The following PRKD1 variants were observed in gnomAD, a reference collection of about 807,000 sequenced individuals.
PRKD1 encodes serine/threonine-protein kinase D1.
A neutral mutation model predicts 95.9 loss-of-function variants in PRKD1; 63 were observed. The observed-to-expected ratio is 0.66, with a 90% CI of 0.54 to 0.81. PRKD1 has a LOEUF of 0.81. Among genes scored for constraint, PRKD1 ranks in the 30% least tolerant of loss-of-function variants. The pLI, the probability that PRKD1 is intolerant of heterozygous loss-of-function variation, is 0.00. For synonymous variants in PRKD1, 425 were observed against 423.1 expected (o/e 1.00, Z -0.05); for missense variants, 1,048 against 1,165.3 (o/e 0.90, Z 1.47).
At chr14:29,851,162 C>G (rs990188577) in intron 1 of PRKD1, among the ~76,000 whole-genome samples, 1 of 152,028 alleles carries the variant, frequency 6.6e-6, no homozygotes, top group Non-Finnish European at 1.5e-5. Flanking sequence ...TGACATTGGC[C>G]TGGGCAAAGA....
At chr14:29,757,001 T>C (rs752718464) in intron 1 of PRKD1, among the ~76,000 whole-genome samples, 2 of 152,222 alleles carry the variant, frequency 1.3e-5, no homozygotes, top group Non-Finnish European at 2.9e-5. Context: ...ATTTATTTGT[T>C]GGTGTAATTA....
intron 4 of PRKD1, among the ~76,000 whole-genome samples, chr14:29,649,025 C>A (rs1881323275): frequency 6.6e-6 from 1 of 152,084 alleles, no homozygotes; most frequent in Admixed American, 6.6e-5. Flanking sequence ...TTATTTTTGC[C>A]ATTTTTAAAA....
chr14:29,766,679 G>A (rs954375676), intron 1 of PRKD1, among the ~76,000 whole-genome samples: 3 of 152,082 alleles, frequency 2.0e-5, no homozygotes, highest in African/African-American at 7.2e-5. Flanking sequence ...GGAAAAATGT[G>A]GCTACCAAAT....
At chr14:29,611,338 T>G (rs150946086) in intron 13 of PRKD1, among the ~76,000 whole-genome samples, 1 of 152,276 alleles carries the variant, frequency 6.6e-6, no homozygotes, top group East Asian at 1.9e-4. Flanking sequence ...AAATATCTCT[T>G]TAAATAAAAC....
intron 1 of PRKD1, among the ~76,000 whole-genome samples, chr14:29,900,149 T>C (rs1220934133): frequency 6.6e-6 from 1 of 152,232 alleles, no homozygotes; most frequent in African/African-American, 2.4e-5. Flanking sequence ...GAAAATGGAC[T>C]AATATGTAAG....
At chr14:29,795,296 T>C (rs1889764783) in intron 1 of PRKD1, among the ~76,000 whole-genome samples, 1 of 151,930 alleles carries the variant, frequency 6.6e-6, no homozygotes, top group Non-Finnish European at 1.5e-5. Flanking sequence ...TATTTATTTA[T>C]ATACACCTAT....
At position 29,768,934 on chromosome 14, in the gene PRKD1, G is replaced by A. The variant is rs983530237; in HGVS notation, c.265-43260C>T. Among the ~76,000 whole-genome samples, 11 of 152,154 alleles carry A rather than the reference G, an allele frequency of 7.2e-5. No individual in the cohort carries two copies. In the East Asian group the frequency reaches 1.4e-3, roughly 19 times the overall value. On this transcript the variant is annotated intron_variant, in intron 1 of 17. Coordinates refer to ENST00000331968, the MANE Select transcript of PRKD1 (RefSeq NM_002742.3). ...GCATGATGTGCGTTATCCAGCATCC[G>A]GGAGCCCAAGTCAGGTCACTTGTGA...
chr14:29,636,615 GTTTATTT>G (rs1163192649), intron 6 of PRKD1, 121 bp from the exon 7 acceptor site: 4 of 950,608 alleles, frequency 4.2e-6, no homozygotes, highest in East Asian at 2.6e-5. Flanking sequence ...TCTGTGATGA[GTTTATTT>G]TTTATTTTTT....
At chr14:29,658,024 T>C (rs1440767844) in intron 4 of PRKD1, 1 of 152,202 alleles carries the variant, frequency 6.6e-6, no homozygotes, top group African/African-American at 2.4e-5. Context: ...TGTTTGCAGG[T>C]ACTCTTAGGG....
chr14:29,811,274 G>T (rs1309629173), intron 1 of PRKD1, among the ~76,000 whole-genome samples: 1 of 152,076 alleles, frequency 6.6e-6, no homozygotes, highest in Admixed American at 6.5e-5. Context: ...ACCTTCCAGG[G>T]TTCTACCCCC....
intron 1 of PRKD1, among the ~76,000 whole-genome samples, chr14:29,848,738 C>G (rs1892181799): frequency 6.6e-6 from 1 of 151,400 alleles, no homozygotes; most frequent in Non-Finnish European, 1.5e-5. Flanking sequence ...TTAACAGAAA[C>G]TGTCTGCAAA....
intron 1 of PRKD1, among the ~76,000 whole-genome samples, chr14:29,835,841 T>C (rs1433773384): frequency 6.6e-6 from 1 of 152,180 alleles, no homozygotes; most frequent in African/African-American, 2.4e-5. Context: ...AGTGCTGGGA[T>C]TACAGGCGTG....
intron 2 of PRKD1, among the ~76,000 whole-genome samples, chr14:29,699,746 T>A (rs1483133269): frequency 6.6e-6 from 1 of 152,302 alleles, no homozygotes; most frequent in East Asian, 1.9e-4. Context: ...TAAATAGATA[T>A]CCAATTGTTC....
chr14:29,697,302 T>A lies in PRKD1; in HGVS notation c.403+28234A>T, dbSNP rs370452903. On this transcript the variant is annotated intron_variant, in intron 2 of 17. Transcript: ENST00000331968. ...ATATACAGTTTTATCTTTTGAAAAC[T>A]ATTCTTCTTATACCATGTTCCAAGG... Among the ~76,000 whole-genome samples the A allele has an allele frequency of 3.3e-5, 5 of 152,324 alleles. 1 individual carries two copies. The highest frequency in any genetic ancestry group is 1.2e-4 in the African/African-American group (5 of 41,574).
intron 1 of PRKD1, among the ~76,000 whole-genome samples, chr14:29,825,709 T>C (rs1287268725): frequency 6.6e-6 from 1 of 152,122 alleles, no homozygotes; most frequent in African/African-American, 2.4e-5. Context: ...ACTTTCCAAA[T>C]AGGCTCACCA....
intron 12 of PRKD1, among the ~76,000 whole-genome samples, chr14:29,624,923 C>A (rs1215840786): frequency 6.6e-6 from 1 of 152,068 alleles, no homozygotes; most frequent in Non-Finnish European, 1.5e-5. Flanking sequence ...CCCCCAAGTT[C>A]TTAACTTCTA....
chr14:29,798,415 T>A (rs1889901589), intron 1 of PRKD1, among the ~76,000 whole-genome samples: 1 of 152,212 alleles, frequency 6.6e-6, no homozygotes, highest in Non-Finnish European at 1.5e-5. Context: ...AAAGCAAATA[T>A]AATGTGTCTA....
intron 2 of PRKD1, among the ~76,000 whole-genome samples, chr14:29,687,701 G>C (rs66497741): frequency 0.07 from 10,602 of 152,214 alleles, 949 homozygotes; most frequent in African/African-American, 0.21. Context: ...ATGTGCCTTT[G>C]TCTTCTGATC....
chr14:29,744,600 G>A (rs746802831), intron 1 of PRKD1, among the ~76,000 whole-genome samples: 1 of 152,122 alleles, frequency 6.6e-6, no homozygotes, highest in Non-Finnish European at 1.5e-5. Context: ...AGGCTGGGGT[G>A]CAATGGCGTG....
Sources: gnomAD v4.1 joint callset for allele counts (sites outside exome capture counted in the v4.1 genomes callset) on GRCh38, gnomAD v4.1.1 for gene constraint, MANE v1.5 for transcripts, NCBI Gene and HGNC (gene_info 2026-07-23, HGNC 2026-07-21) for gene names.